Variants in OR9Q1 observed in about 807,000 individuals in gnomAD.
OR9Q1 encodes the protein olfactory receptor family 9 subfamily Q member 1, also known as olfactory receptor 9Q1.
For synonymous variants in OR9Q1, 153 were observed against 148.6 expected (o/e 1.03, Z -0.22); for missense variants, 374 against 378.8 (o/e 0.99, Z 0.11).
At chr11:58,106,812 G>C (rs1430902477) in intron 2 of OR9Q1, among the ~76,000 whole-genome samples, 4 of 152,122 alleles carry the variant, frequency 2.6e-5, no homozygotes, top group South Asian at 2.1e-4. Context: ...ATATATGTGA[G>C]AGTTTATTTC....
At chr11:58,064,052 C>T (rs1853406201) in intron 2 of OR9Q1, among the ~76,000 whole-genome samples, 1 of 152,096 alleles carries the variant, frequency 6.6e-6, no homozygotes, top group African/African-American at 2.4e-5. Flanking sequence ...ATTATTAATC[C>T]TGGGGATTCC....
intron 2 of OR9Q1, among the ~76,000 whole-genome samples, chr11:58,164,936 C>T (rs747004882): frequency 1.3e-5 from 2 of 152,182 alleles, no homozygotes; most frequent in Admixed American, 6.5e-5. Flanking sequence ...GCTCTCTTCT[C>T]TCTTGATTCC....
At chr11:58,100,625 T>C (rs1335453729) in intron 2 of OR9Q1, among the ~76,000 whole-genome samples, 1 of 152,166 alleles carries the variant, frequency 6.6e-6, no homozygotes, top group African/African-American at 2.4e-5. Flanking sequence ...TTATTTTCTG[T>C]ATGTTTATAT....
intron 2 of OR9Q1, among the ~76,000 whole-genome samples, chr11:58,090,721 C>A (rs1400866568): frequency 6.6e-6 from 1 of 152,098 alleles, no homozygotes; most frequent in Admixed American, 6.6e-5. Context: ...GGAATGGTAC[C>A]AGCTCCTTTT....
At chr11:58,060,668 T>A (rs1436163463) in intron 2 of OR9Q1, among the ~76,000 whole-genome samples, 1 of 152,210 alleles carries the variant, frequency 6.6e-6, no homozygotes, top group African/African-American at 2.4e-5. Flanking sequence ...CGAAACCCTG[T>A]CTCTGCTAAA....
intron 2 of OR9Q1, among the ~76,000 whole-genome samples, chr11:58,160,555 G>A (rs1160148792): frequency 6.6e-6 from 1 of 152,070 alleles, no homozygotes; most frequent in Admixed American, 6.6e-5. Flanking sequence ...AAACTCCTGG[G>A]CTCAAGCCAT....
chr11:58,152,956 G>A (rs771142431), intron 2 of OR9Q1, among the ~76,000 whole-genome samples: 3 of 152,168 alleles, frequency 2.0e-5, no homozygotes, highest in African/African-American at 7.2e-5. Context: ...CCAGGAGGGC[G>A]GGCACTTAGC....
At chr11:58,036,680 T>C (rs987656375) in intron 1 of OR9Q1, among the ~76,000 whole-genome samples, 2 of 152,006 alleles carry the variant, frequency 1.3e-5, no homozygotes, top group African/African-American at 4.8e-5. Context: ...CTTTGAGGGG[T>C]TCAAGACTTT....
chr11:58,132,245 C>G lies in OR9Q1; in HGVS notation c.-14-47186C>G, dbSNP rs376428086. Among the ~76,000 whole-genome samples the G allele has an allele frequency of 1.4e-4, 21 of 152,220 alleles. No homozygotes were observed. In the East Asian group the frequency reaches 2.3e-3, roughly 17 times the overall value. On this transcript the variant is annotated intron_variant, in intron 2 of 2. Coordinates refer to ENST00000335397, the MANE Select transcript of OR9Q1 (RefSeq NM_001005212.4). ...TCTTCTTTTAGACTTTGACATTGTC[C>G]AAATTTTCTATATGAAATAATTTGT...
At chr11:58,156,924 T>C (rs1196399261) in intron 2 of OR9Q1, among the ~76,000 whole-genome samples, 2 of 152,138 alleles carry the variant, frequency 1.3e-5, no homozygotes, top group African/African-American at 2.4e-5. Context: ...AGGGTGTGGA[T>C]GATGGAGAGC....
intron 1 of OR9Q1, among the ~76,000 whole-genome samples, chr11:58,039,511 C>A (rs1853139145): frequency 6.6e-6 from 1 of 152,176 alleles, no homozygotes; most frequent in African/African-American, 2.4e-5. Flanking sequence ...CCCAGGAGCA[C>A]TTTCATTTAA....
chr11:58,031,481 G>A (rs1357240622), intron 1 of OR9Q1: 2 of 1,614,116 alleles, frequency 1.2e-6, no homozygotes, highest in Admixed American at 3.3e-5. Context: ...TGGCCCAAAT[G>A]TCATTGACCA....
intron 2 of OR9Q1, among the ~76,000 whole-genome samples, chr11:58,083,290 T>C (rs192771834): frequency 4.6e-5 from 7 of 152,092 alleles, no homozygotes; most frequent in Admixed American, 3.9e-4. Flanking sequence ...TGCTTGTTTT[T>C]GCCTTTGACC....
At chr11:58,036,737 G>T (rs1853104102) in intron 1 of OR9Q1, among the ~76,000 whole-genome samples, 1 of 152,188 alleles carries the variant, frequency 6.6e-6, no homozygotes, top group South Asian at 2.1e-4. Flanking sequence ...AAGAGAATTA[G>T]AATTAGAAGT....
intron 1 of OR9Q1, chr11:58,031,858 G>A: frequency 6.2e-7 from 1 of 1,614,132 alleles, no homozygotes; most frequent in Non-Finnish European, 8.5e-7. Context: ...AGGAAGTGAA[G>A]GGAGCTCTGG....
At chr11:58,123,180 A>G (rs908366913) in intron 2 of OR9Q1, among the ~76,000 whole-genome samples, 3 of 152,212 alleles carry the variant, frequency 2.0e-5, no homozygotes, top group Non-Finnish European at 4.4e-5. Flanking sequence ...TAGAAGCAGA[A>G]GAGTTAGTTG....
chr11:58,054,698 G>A (rs945350445), intron 1 of OR9Q1, among the ~76,000 whole-genome samples: 6 of 99,422 alleles, frequency 6.0e-5, no homozygotes, highest in Admixed American at 1.2e-4. Flanking sequence ...CGAGGTGGGC[G>A]GATCACTTGA....
At chr11:58,078,711 G>A (rs1444971215) in intron 2 of OR9Q1, 1 of 152,172 alleles carries the variant, frequency 6.6e-6, no homozygotes, top group Non-Finnish European at 1.5e-5. Flanking sequence ...GATGTCCTAG[G>A]CATATCTCAA....
At chr11:58,110,783 A>G (rs567768186) in intron 2 of OR9Q1, among the ~76,000 whole-genome samples, 1 of 152,182 alleles carries the variant, frequency 6.6e-6, no homozygotes, top group South Asian at 2.1e-4. Context: ...TCAGTTTTCT[A>G]TAGAAATCAG....
Sources: gnomAD v4.1 joint callset for allele counts (sites outside exome capture counted in the v4.1 genomes callset) on GRCh38, gnomAD v4.1.1 for gene constraint, MANE v1.5 for transcripts, NCBI Gene and HGNC (gene_info 2026-07-23, HGNC 2026-07-21) for gene names.